The following CCSER1 variants were observed in gnomAD, a reference collection of about 807,000 sequenced individuals.
CCSER1 encodes serine-rich coiled-coil domain-containing protein 1.
A neutral mutation model predicts 82.0 loss-of-function variants in CCSER1; 41 were observed. The observed-to-expected ratio is 0.50, with a 90% CI of 0.39 to 0.65. The LOEUF is 0.65. Ranked by LOEUF, CCSER1 falls within the 30% of genes least tolerant of loss-of-function variation. The pLI is 0.00. For missense variants in CCSER1, 1,119 were observed against 1,064.2 expected (o/e 1.05, Z -0.72); for synonymous variants, 414 against 383.9 (o/e 1.08, Z -0.92).
At chr4:91,066,456 A>G (rs1350486355) in intron 9 of CCSER1, among the ~76,000 whole-genome samples, 1 of 152,176 alleles carries the variant, frequency 6.6e-6, no homozygotes, top group Admixed American at 6.5e-5. Flanking sequence ...AAAAATTTGA[A>G]ATGGAAGGTG....
At chr4:90,925,563 T>C (rs1728954721) in intron 9 of CCSER1, among the ~76,000 whole-genome samples, 1 of 152,188 alleles carries the variant, frequency 6.6e-6, no homozygotes, top group Non-Finnish European at 1.5e-5. Flanking sequence ...GGAAATGACT[T>C]ATCTGTGGAT....
At chr4:91,527,011 A>T (rs977314128) in intron 10 of CCSER1, among the ~76,000 whole-genome samples, 37 of 151,542 alleles carry the variant, frequency 2.4e-4, no homozygotes, top group African/African-American at 8.5e-4. Context: ...CCTTAATCTC[A>T]TCAAAAGAAG....
chr4:91,277,650 CT>C (rs1481180125), intron 10 of CCSER1, among the ~76,000 whole-genome samples: 1 of 148,946 alleles, frequency 6.7e-6, no homozygotes, highest in Non-Finnish European at 1.5e-5. Context: ...TTCATTGATC[CT>C]TTATATATAT....
intron 8 of CCSER1, among the ~76,000 whole-genome samples, chr4:90,915,163 C>T (rs541472622): frequency 0.054 from 8,189 of 152,128 alleles, 319 homozygotes; most frequent in East Asian, 0.12. Context: ...TAACTCATTT[C>T]GTGAGGCCAG....
intron 1 of CCSER1, among the ~76,000 whole-genome samples, chr4:90,284,421 GTT>G (rs1211789354): frequency 4.6e-5 from 7 of 150,920 alleles, no homozygotes; most frequent in Admixed American, 4.0e-4. Flanking sequence ...GTCCTGGATT[GTT>G]TCCCCAATGT....
intron 10 of CCSER1, among the ~76,000 whole-genome samples, chr4:91,252,757 T>A (rs2149149917): frequency 6.6e-6 from 1 of 152,222 alleles, no homozygotes; most frequent in Non-Finnish European, 1.5e-5. Context: ...ATTAGAATGA[T>A]ATAACTTTAG....
chr4:90,764,565 A>T (rs771357010), intron 7 of CCSER1, among the ~76,000 whole-genome samples: 57 of 152,278 alleles, frequency 3.7e-4, no homozygotes, highest in Non-Finnish European at 6.5e-4. Context: ...CCTTATTTAA[A>T]CAGAAAGAAG....
At chr4:90,747,876 C>T (rs1278566578) in intron 7 of CCSER1, among the ~76,000 whole-genome samples, 1 of 147,010 alleles carries the variant, frequency 6.8e-6, no homozygotes, top group Non-Finnish European at 1.5e-5. Context: ...TTGTTCAATT[C>T]CCACCTATGA....
chr4:91,028,371 T>C (rs1291264103), intron 9 of CCSER1, among the ~76,000 whole-genome samples: 2 of 151,970 alleles, frequency 1.3e-5, no homozygotes, highest in African/African-American at 2.4e-5. Context: ...TATGTTCATG[T>C]GTTTATTAAC....
intron 1 of CCSER1, among the ~76,000 whole-genome samples, chr4:90,296,628 C>G (rs1280971132): frequency 1.3e-5 from 2 of 152,040 alleles, no homozygotes; most frequent in African/African-American, 4.8e-5. Flanking sequence ...GGTTTTAGGT[C>G]TAACGTTTAA....
chr4:90,316,976 AT>A (rs1158121276), intron 3 of CCSER1, among the ~76,000 whole-genome samples: 2 of 152,130 alleles, frequency 1.3e-5, no homozygotes, highest in Non-Finnish European at 2.9e-5. Flanking sequence ...TATTTTTCCA[AT>A]TTTTCTCTAA....
rs538540947 is a variant in CCSER1, at chr4:91,147,623, C to T, written c.2217+61629C>T. 9.2e-5 allele frequency among the ~76,000 whole-genome samples: 14 copies of T among 152,316 alleles called. No individual in the cohort carries two copies. The South Asian group carries it at 2.1e-3, about 23-fold the overall frequency. On this transcript the variant is annotated intron_variant, in intron 10 of 10. Coordinates refer to ENST00000509176, the MANE Select transcript of CCSER1 (RefSeq NM_001145065.2). Reference sequence around the variant, plus strand: ...TCCCTCGGGGTTGGAGCCAGGTCTACAGTTTTATTTTCTGGCCCCTTAGGG... The same window carrying T: ...TCCCTCGGGGTTGGAGCCAGGTCTATAGTTTTATTTTCTGGCCCCTTAGGG...
chr4:90,627,737 T>C (rs1454485375), intron 5 of CCSER1, among the ~76,000 whole-genome samples: 1 of 151,966 alleles, frequency 6.6e-6, no homozygotes, highest in Non-Finnish European at 1.5e-5. Context: ...TCCCAGCACT[T>C]TGAGAGGCCA....
intron 9 of CCSER1, among the ~76,000 whole-genome samples, chr4:90,983,243 G>C (rs72665479): frequency 0.088 from 13,349 of 151,656 alleles, 743 homozygotes; most frequent in Admixed American, 0.16. Context: ...GTAGAGAATA[G>C]ACATCTCATG....
At chr4:90,373,690 G>A (rs1747838110) in intron 3 of CCSER1, among the ~76,000 whole-genome samples, 1 of 152,120 alleles carries the variant, frequency 6.6e-6, no homozygotes, top group African/African-American at 2.4e-5. Context: ...TTTCATGGGA[G>A]ACAATTCTTC....
chr4:90,565,496 A>G (rs915513404), intron 5 of CCSER1, among the ~76,000 whole-genome samples: 12 of 152,026 alleles, frequency 7.9e-5, no homozygotes, highest in African/African-American at 2.9e-4. Context: ...AATTTAGATG[A>G]TTTTTATTTC....
chr4:90,593,527 A>T (rs1362209154), intron 5 of CCSER1, among the ~76,000 whole-genome samples: 1 of 152,082 alleles, frequency 6.6e-6, no homozygotes, highest in Non-Finnish European at 1.5e-5. Flanking sequence ...CCCTATGTAA[A>T]TGAAGAGGAT....
intron 10 of CCSER1, among the ~76,000 whole-genome samples, chr4:91,489,134 T>C (rs569044170): frequency 2.8e-4 from 42 of 152,296 alleles, no homozygotes; most frequent in Admixed American, 2.2e-3. Flanking sequence ...CAAGTGCTAA[T>C]ACCCTGAGTC....
Position 90,515,222 on chromosome 4 carries a change from A to G in CCSER1, c.1724+46868A>G, listed in dbSNP as rs562018314. On this transcript the variant is annotated intron_variant, in intron 5 of 10. Transcript: ENST00000509176. The stretch of plus-strand genomic sequence containing the variant: ...TATCCACACTACAAAAGAGGTAAAT[A>G]CAAGTATAAAATTTTAAAAATGTCT... 5.9e-5 allele frequency among the ~76,000 whole-genome samples: 9 copies of G among 152,352 alleles called. 1 individual carries two copies. In the South Asian group the frequency reaches 1.9e-3, roughly 32 times the overall value.
Sources: allele counts gnomAD v4.1 joint callset (sites outside exome capture counted in the v4.1 genomes callset), GRCh38; gene constraint gnomAD v4.1.1; transcripts MANE v1.5; gene names NCBI Gene and HGNC (gene_info 2026-07-23, HGNC 2026-07-21).